The following ZMIZ1 variants were observed in gnomAD, a reference collection of about 807,000 sequenced individuals.
ZMIZ1 encodes the protein zinc finger MIZ domain-containing protein 1.
Under a neutral mutation model 113.9 loss-of-function variants are expected in ZMIZ1, and 17 were observed. That is an observed-to-expected ratio of 0.15 (90% CI 0.10 to 0.22). ZMIZ1 has a LOEUF of 0.22. Ranked by LOEUF, ZMIZ1 falls within the 10% of genes least tolerant of loss-of-function variation. The pLI, the probability that ZMIZ1 is intolerant of heterozygous loss-of-function variation, is 1.00. For synonymous variants in ZMIZ1, 607 were observed against 603.1 expected, an observed-to-expected ratio of 1.01 and a Z score of -0.09; for missense variants, 1,059 against 1,477.8, an observed-to-expected ratio of 0.72 and a Z score of 4.65.
At chr10:79,208,141 G>GGGT (rs1848406948) in intron 5 of ZMIZ1, among the ~76,000 whole-genome samples, 195 bp from the exon 6 acceptor site, 4 of 128,488 alleles carry the variant, frequency 3.1e-5, no homozygotes, top group African/African-American at 1.3e-4. Context: ...GGGTGGGGGG[G>GGGT]GGTGGGAGCA....
chr10:79,209,012 A>G (rs529610949), intron 6 of ZMIZ1, among the ~76,000 whole-genome samples: 4 of 152,256 alleles, frequency 2.6e-5, no homozygotes, highest in Admixed American at 2.6e-4. Context: ...GCAGATGTGT[A>G]AAGAAGTGAC....
At chr10:79,168,031 G>A (rs1005183366) in intron 4 of ZMIZ1, among the ~76,000 whole-genome samples, 1 of 152,228 alleles carries the variant, frequency 6.6e-6, no homozygotes, top group Admixed American at 6.5e-5. Context: ...CCAAAGTGGG[G>A]TGTTTCTTAG....
At chr10:79,279,213 G>A (rs960109984) in intron 8 of ZMIZ1, among the ~76,000 whole-genome samples, 19 of 151,966 alleles carry the variant, frequency 1.3e-4, no homozygotes, top group Non-Finnish European at 2.2e-4. Flanking sequence ...CGGACGGGGC[G>A]GCTGCCGGGC....
intron 4 of ZMIZ1, among the ~76,000 whole-genome samples, chr10:79,163,105 T>C (rs1184002695): frequency 6.6e-6 from 1 of 152,254 alleles, no homozygotes; most frequent in East Asian, 1.9e-4. Flanking sequence ...AATCCTTACT[T>C]GGCCCAGAGC....
At chr10:79,246,504 C>T (rs1564548692) in intron 7 of ZMIZ1, among the ~76,000 whole-genome samples, 3 of 152,200 alleles carry the variant, frequency 2.0e-5, no homozygotes, top group African/African-American at 7.2e-5. Flanking sequence ...GGAAGGAACT[C>T]CTCAGTGGGG....
intron 4 of ZMIZ1, among the ~76,000 whole-genome samples, chr10:79,181,729 C>A (rs1230378506): frequency 4.6e-5 from 7 of 152,010 alleles, no homozygotes; most frequent in African/African-American, 2.4e-5. Context: ...AGCCCTGGGA[C>A]CTTGAGCCCA....
At chr10:79,305,296 T>C (rs565830165) in intron 20 of ZMIZ1, 65 bp downstream of exon 20, 114 of 1,550,346 alleles carry the variant, frequency 7.4e-5, no homozygotes, top group Admixed American at 2.3e-4. Flanking sequence ...AGGGGCCAGC[T>C]ACCTCCCACC....
chr10:79,091,534 A>C (rs929223724), intron 1 of ZMIZ1, among the ~76,000 whole-genome samples: 1 of 152,226 alleles, frequency 6.6e-6, no homozygotes, highest in Non-Finnish European at 1.5e-5. Context: ...TCGGCTAATA[A>C]GTTCCAAGGA....
intron 1 of ZMIZ1, among the ~76,000 whole-genome samples, chr10:79,107,477 G>A (rs2132282310): frequency 6.6e-6 from 1 of 152,360 alleles, no homozygotes; most frequent in East Asian, 1.9e-4. Context: ...CGCCAGTGGT[G>A]TTCACAGAGG....
At chr10:79,287,467 G>A (rs1299938007) in intron 8 of ZMIZ1, among the ~76,000 whole-genome samples, 1 of 152,260 alleles carries the variant, frequency 6.6e-6, no homozygotes, top group Non-Finnish European at 1.5e-5. Flanking sequence ...ATCACGAGCA[G>A]CGCTCAGTTG....
intron 5 of ZMIZ1, among the ~76,000 whole-genome samples, chr10:79,207,559 G>A (rs1309667263): frequency 1.3e-5 from 2 of 152,092 alleles, no homozygotes; most frequent in African/African-American, 2.4e-5. Flanking sequence ...GGAACCAGGA[G>A]GCCCAGCACC....
chr10:79,286,700 A>C (rs1324802586), intron 8 of ZMIZ1, among the ~76,000 whole-genome samples: 2 of 152,248 alleles, frequency 1.3e-5, no homozygotes, highest in African/African-American at 4.8e-5. Flanking sequence ...AGTTTGGGGC[A>C]GAGGGGACAA....
At chr10:79,281,876 G>A (rs1421917663) in intron 8 of ZMIZ1, among the ~76,000 whole-genome samples, 1 of 152,200 alleles carries the variant, frequency 6.6e-6, no homozygotes, top group East Asian at 1.9e-4. Flanking sequence ...AGCGCACAGG[G>A]CTGTGCTATT....
intron 1 of ZMIZ1, among the ~76,000 whole-genome samples, chr10:79,107,273 C>A: frequency 6.6e-6 from 1 of 152,374 alleles, no homozygotes; most frequent in East Asian, 1.9e-4. Flanking sequence ...TGTAGCCTAG[C>A]GGGTTAGACC....
chr10:79,232,457 G>T (rs1483809436), intron 7 of ZMIZ1, among the ~76,000 whole-genome samples: 1 of 152,102 alleles, frequency 6.6e-6, no homozygotes. Flanking sequence ...TGGTGGTAGG[G>T]TTACATTATC....
chr10:79,171,486 C>T (rs896336242), intron 4 of ZMIZ1, among the ~76,000 whole-genome samples: 1 of 152,234 alleles, frequency 6.6e-6, no homozygotes, highest in Non-Finnish European at 1.5e-5. Context: ...CCACTGCTCT[C>T]TCTATCTGTA....
At chr10:79,212,959 T>A (rs58115941) in intron 6 of ZMIZ1, among the ~76,000 whole-genome samples, 4,286 of 152,170 alleles carry the variant, frequency 0.028, 147 homozygotes, top group East Asian at 0.076. Context: ...GAGGCTGGGT[T>A]CCCTGACCTG....
chr10:79,305,401 G>C, intron 20 of ZMIZ1, 132 bp from the exon 21 acceptor site: 1 of 1,225,482 alleles, frequency 8.2e-7, no homozygotes, highest in African/African-American at 1.5e-5. Flanking sequence ...CGCGGTCAGA[G>C]TCCCCCTCTC....
rs1852458124 is a variant in ZMIZ1 at position 79,278,582 on chromosome 10, G to GCCGCCCT, written c.425+1262_425+1268dup. On this transcript the variant is annotated intron_variant, in intron 8 of 24. Transcript: ENST00000334512. The stretch of plus-strand genomic sequence containing the variant: ...CTGGTTTTCCTAGGCAGAGGGTCCT[G>GCCGCCCT]CCGCCCTCCGCAGTGTTTGTGTCCC... Among the ~76,000 whole-genome samples, 2 of 151,358 alleles carry GCCGCCCT rather than the reference G, an allele frequency of 1.3e-5. 1 individual carries two copies. Among genetic ancestry groups the GCCGCCCT allele is most frequent in the Non-Finnish European group, 3.0e-5 (2 of 67,660 alleles).
Sources: gnomAD v4.1 joint callset for allele counts (sites outside exome capture counted in the v4.1 genomes callset) on GRCh38, gnomAD v4.1.1 for gene constraint, MANE v1.5 for transcripts, NCBI Gene and HGNC (gene_info 2026-07-23, HGNC 2026-07-21) for gene names.